Variants in EGFR observed in about 807,000 individuals in gnomAD.
EGFR encodes avian erythroblastic leukemia viral (v-erb-b) oncogene homolog.
A neutral mutation model predicts 143.0 loss-of-function variants in EGFR; 58 were observed. That is an observed-to-expected ratio of 0.41 (90% CI 0.33 to 0.50). The LOEUF (loss-of-function observed/expected upper bound fraction) is 0.50. Among genes scored for constraint, EGFR ranks in the 20% least tolerant of loss-of-function variants. The probability of loss-of-function intolerance (pLI) is 0.39; values close to 1 mark genes in which losing one functional copy is unlikely to be tolerated. For synonymous variants in EGFR, 613 were observed against 594.4 expected, an observed-to-expected ratio of 1.03 and a Z score of -0.45; for missense variants, 1,307 against 1,579.0, an observed-to-expected ratio of 0.83 and a Z score of 2.92.
chr7:55,203,575 T>TACACACACCACACACACATACAC (rs199603829), intron 27 of EGFR, among the ~76,000 whole-genome samples: 2 of 147,508 alleles, frequency 1.4e-5, no homozygotes, highest in South Asian at 4.3e-4. Flanking sequence ...CACACACACA[T>TACACACACCACACACACATACAC]ACGCCACACA....
At chr7:55,053,543 C>A (rs558012909) in intron 1 of EGFR, among the ~76,000 whole-genome samples, 1 of 152,388 alleles carries the variant, frequency 6.6e-6, no homozygotes, top group South Asian at 2.1e-4. Context: ...ATGTTCTACT[C>A]CCAGAGTTCC....
At chr7:55,199,779 GC>G (rs17290650) in intron 23 of EGFR, among the ~76,000 whole-genome samples, 19,598 of 152,268 alleles carry the variant, frequency 0.13, 1,737 homozygotes, top group East Asian at 0.46. Flanking sequence ...AGCACAGCCA[GC>G]CCTCTCACTT....
chr7:55,031,232 C>T (rs965446511), intron 1 of EGFR, among the ~76,000 whole-genome samples: 5 of 152,168 alleles, frequency 3.3e-5, no homozygotes, highest in African/African-American at 1.2e-4. Context: ...TGACGTATCT[C>T]TTGTTGAATA....
rs1315612710 is a variant in EGFR, at chr7:55,117,562, G to A, written c.89-24724G>A. ...CTGGAGGAAACCACCTGGAATGATG[G>A]GAGAACTCCTCCAGGGAACATGGCC... On this transcript the variant is annotated intron_variant, in intron 1 of 27. Transcript: ENST00000275493. 2.0e-5 allele frequency among the ~76,000 whole-genome samples: 3 copies of A among 152,174 alleles called. 1 individual carries two copies. The East Asian group carries it at 5.8e-4, about 29-fold the overall frequency.
chr7:55,173,916 C>A lies in EGFR; in HGVS notation c.2062-5C>A, dbSNP rs1452602910. On this transcript the variant is annotated splice_region_variant and splice_polypyrimidine_tract_variant and intron_variant, in intron 17 of 27. Coordinates refer to ENST00000275493, the MANE Select transcript of EGFR (RefSeq NM_005228.5). ...CCCTTGTCTCTGTGTTCTTGTCCCCCCCAGCTTGTGGAGCCTCTTACACCC... is the reference window on the plus strand; with the variant it reads ...CCCTTGTCTCTGTGTTCTTGTCCCCACCAGCTTGTGGAGCCTCTTACACCC... 6.2e-7 allele frequency: 1 copy of A among 1,614,258 alleles called. No individual in the cohort carries two copies.
rs372179224 is a variant in EGFR at position 55,042,510 on chromosome 7, G to A, written c.88+23145G>A. Reference sequence around the variant, plus strand: ...TTGTATCCTATGCTTTTTTACACTTGGTACATGGTTGCAAGATTGCCCCTG... The same window carrying A: ...TTGTATCCTATGCTTTTTTACACTTAGTACATGGTTGCAAGATTGCCCCTG... On this transcript the variant is annotated intron_variant, in intron 1 of 27. Coordinates refer to ENST00000275493, the MANE Select transcript of EGFR (RefSeq NM_005228.5). Among the ~76,000 whole-genome samples, 111 of 152,184 alleles carry A rather than the reference G, an allele frequency of 7.3e-4. 2 individuals carry two copies. In the South Asian group the frequency reaches 0.022, roughly 30 times the overall value.
At chr7:55,090,988 C>A (rs962880227) in intron 1 of EGFR, among the ~76,000 whole-genome samples, 1 of 152,184 alleles carries the variant, frequency 6.6e-6, no homozygotes, top group Non-Finnish European at 1.5e-5. Flanking sequence ...TCAAGACATA[C>A]AATGTTCCTC....
chr7:55,190,682 G>T (rs1278333492), intron 20 of EGFR, among the ~76,000 whole-genome samples: 1 of 152,152 alleles, frequency 6.6e-6, no homozygotes, highest in Non-Finnish European at 1.5e-5. Flanking sequence ...TTTCTGTCGT[G>T]CCCACTCTGT....
intron 1 of EGFR, chr7:55,118,993 A>G (rs890414687): frequency 1.3e-5 from 2 of 152,204 alleles, no homozygotes; most frequent in Non-Finnish European, 2.9e-5. Flanking sequence ...GGAGAAAAGA[A>G]TAGAAGTGAA....
At chr7:55,168,918 G>A (rs1786205004) in intron 15 of EGFR, among the ~76,000 whole-genome samples, 1 of 152,068 alleles carries the variant, frequency 6.6e-6, no homozygotes, top group Non-Finnish European at 1.5e-5. Context: ...CAGATGGGAT[G>A]TATTGCCTTC....
rs1030437826 is a variant in EGFR at position 55,169,624 on chromosome 7, A to G, written c.1881-1551A>G. Among the ~76,000 whole-genome samples the G allele has an allele frequency of 2.6e-5, 4 of 152,176 alleles. 1 individual carries two copies. Among genetic ancestry groups the G allele is most frequent in the African/African-American group, 7.2e-5 (3 of 41,432 alleles). ...ATAATTTTTCTGACAGAATTAAATA[A>G]CATGCTATAGCTGCTTGAGTTCATA... On this transcript the variant is annotated intron_variant, in intron 15 of 27. Transcript: ENST00000275493.
rs2128927357 is a variant in EGFR at position 55,143,393 on chromosome 7, A to G, written c.329A>G (p.Asn110Ser). 1 of 1,614,202 alleles carries G rather than the reference A, an allele frequency of 6.2e-7. No individual in the cohort carries two copies. The highest frequency in any genetic ancestry group is 8.5e-7 in the Non-Finnish European group (1 of 1,180,030). ...PLENLQIIRGNMYYENSYALA... is the reference protein window; with the variant it reads ...PLENLQIIRGSMYYENSYALA... Reference sequence around the variant, plus strand: ...GAAAACCTGCAGATCATCAGAGGAAATATGTACTACGAAAATTCCTATGCC... The same window carrying G: ...GAAAACCTGCAGATCATCAGAGGAAGTATGTACTACGAAAATTCCTATGCC... Residue 110 changes from asparagine to serine, a missense_variant, in exon 3 of 28, where the codon AAT becomes AGT. Asn to Ser is a conservative substitution (Grantham distance 46). Transcript: ENST00000275493.
At position 55,151,332 on chromosome 7, in the gene EGFR, T is replaced by A; in HGVS notation, c.598T>A (p.Trp200Arg). ...TCCAAGCTGTCCCAATGGGAGCTGC[T>A]GGGGTGCAGGAGAGGAGAACTGCCA... is the stretch of plus-strand genomic sequence containing the variant. Reference protein sequence around the residue: ...CDPSCPNGSCWGAGEENCQKL... With the variant: ...CDPSCPNGSCRGAGEENCQKL... The change falls in exon 5 of 28, where the codon TGG becomes AGG. Residue 200 changes from tryptophan (W) to arginine (R), a missense_variant. Transcript: ENST00000275493. 6.2e-7 allele frequency: 1 copy of A among 1,614,216 alleles called. No individual in the cohort carries two copies. Among genetic ancestry groups the A allele is most frequent in the Non-Finnish European group, 8.5e-7 (1 of 1,180,034 alleles).
At chr7:55,162,794 T>C (rs983527000) in intron 13 of EGFR, among the ~76,000 whole-genome samples, 2 of 152,176 alleles carry the variant, frequency 1.3e-5, no homozygotes, top group African/African-American at 4.8e-5. Context: ...GGCACACACT[T>C]TTTTGTTGTT....
Position 55,174,811 on chromosome 7 carries a change from A to G in EGFR, c.2274A>G (p.Glu758=). ...CAACATCTCCGAAAGCCAACAAGGA[A>G]ATCCTCGATGTGAGTTTCTGCTTTG... ...REATSPKANK[E]ILDEAYVMAS... is the part of the protein sequence containing the mutation. Residue 758 remains glutamate, a synonymous_variant, in exon 19 of 28, where the codon GAA becomes GAG. Coordinates refer to ENST00000275493, the MANE Select transcript of EGFR (RefSeq NM_005228.5). 6.2e-7 allele frequency: 1 copy of G among 1,613,844 alleles called. No homozygotes were observed. The highest frequency in any genetic ancestry group is 8.5e-7 in the Non-Finnish European group (1 of 1,179,764).
Position 55,163,700 on chromosome 7 carries a change from G to A in EGFR, c.1632-33G>A, listed in dbSNP as rs530545997. On this transcript the variant is annotated intron_variant, in intron 13 of 27. Transcript: ENST00000275493. ...GTGTTCCTGCAATAATGTCTCAGGGGTGGGCTGACGGGTTTCCTCTTCCTC... is the reference window on the plus strand; with the variant it reads ...GTGTTCCTGCAATAATGTCTCAGGGATGGGCTGACGGGTTTCCTCTTCCTC... 2.7e-5 allele frequency: 42 copies of A among 1,583,640 alleles called. 1 individual carries two copies. The South Asian group carries it at 4.1e-4, about 15-fold the overall frequency.
chr7:55,203,886 T>C (rs2128974090), intron 27 of EGFR, among the ~76,000 whole-genome samples: 1 of 151,474 alleles, frequency 6.6e-6, no homozygotes, highest in South Asian at 2.1e-4. Context: ...ATATCTAATA[T>C]GTAGTTTATT....
At chr7:55,115,293 G>A (rs918784968) in intron 1 of EGFR, among the ~76,000 whole-genome samples, 16 of 152,164 alleles carry the variant, frequency 1.1e-4, no homozygotes, top group Admixed American at 7.9e-4. Context: ...ATAAAAGTGA[G>A]ACAGGCATGA....
chr7:55,165,251 C>A lies in EGFR; in HGVS notation c.1723-29C>A, dbSNP rs200251406. ...TTGAAAGAGAAAAGAAAGAGACATG[C>A]ATGAACATTTTTCTCCACCTTGGTG... is the stretch of plus-strand genomic sequence containing the variant. On this transcript the variant is annotated intron_variant, in intron 14 of 27. Transcript: ENST00000275493. 40 of 1,613,794 alleles carry A rather than the reference C, an allele frequency of 2.5e-5. No homozygotes were observed. The Admixed American group carries it at 4.0e-4, about 16-fold the overall frequency.
Sources: allele counts gnomAD v4.1 joint callset (sites outside exome capture counted in the v4.1 genomes callset), GRCh38; gene constraint gnomAD v4.1.1; transcripts MANE v1.5; gene names NCBI Gene and HGNC (gene_info 2026-07-23, HGNC 2026-07-21).